ZNRF3: variants seen among roughly 807,000 people sequenced by gnomAD.
ZNRF3 encodes E3 ubiquitin-protein ligase ZNRF3.
Under a neutral mutation model 72.5 loss-of-function variants are expected in ZNRF3, and 23 were observed. The observed-to-expected ratio is 0.32, with a 90% CI of 0.23 to 0.45. The LOEUF is 0.45. ZNRF3 is among the 20% of genes least tolerant of loss of function. The pLI is 1.00. For synonymous variants in ZNRF3, 610 were observed against 545.3 expected (o/e 1.12, Z -1.65); for missense variants, 1,169 against 1,272.1 (o/e 0.92, Z 1.23).
intron 1 of ZNRF3, among the ~76,000 whole-genome samples, chr22:28,951,630 G>A (rs187004466): frequency 1.2e-4 from 19 of 152,264 alleles, no homozygotes; most frequent in Admixed American, 1.2e-3. Flanking sequence ...ATGGTAGTTC[G>A]TTAAGGCAGC....
chr22:29,027,450 T>C (rs993443830), intron 2 of ZNRF3, among the ~76,000 whole-genome samples: 10 of 152,104 alleles, frequency 6.6e-5, no homozygotes, highest in African/African-American at 1.9e-4. Context: ...GGTTTCACCA[T>C]GTTGGCCAGG....
rs1023508632 is a variant in ZNRF3, at chr22:29,048,063, C to A, written c.913-326C>A. The stretch of plus-strand genomic sequence containing the variant: ...TCCATACCCCTAAGCCTCCCATCCT[C>A]ACTAGCAGGAGGACTCGGCCCTCCC... On this transcript the variant is annotated intron_variant, in intron 6 of 8. Transcript: ENST00000544604. This position sits in a 1 kb window ranked among gnomAD's most constrained non-coding sequence, Gnocchi z 4.9. 6.6e-6 allele frequency among the ~76,000 whole-genome samples: 1 copy of A among 152,182 alleles called. No individual in the cohort carries two copies. The highest frequency in any genetic ancestry group is 2.4e-5 in the African/African-American group (1 of 41,438).
intron 2 of ZNRF3, chr22:29,018,069 T>C (rs552182989): frequency 5.8e-6 from 3 of 518,524 alleles, no homozygotes; most frequent in South Asian, 2.8e-5. Context: ...GGAGGGCAGA[T>C]AGTGTGGGAG....
intron 2 of ZNRF3, among the ~76,000 whole-genome samples, chr22:29,033,265 C>T (rs1327603639): frequency 2.7e-5 from 4 of 149,036 alleles, no homozygotes; most frequent in South Asian, 2.1e-4. Flanking sequence ...GCAGGATAAT[C>T]GCTTGAACCC....
chr22:28,947,624 G>A (rs1402201478), intron 1 of ZNRF3, among the ~76,000 whole-genome samples: 1 of 152,116 alleles, frequency 6.6e-6, no homozygotes, highest in East Asian at 1.9e-4. Flanking sequence ...ATGACGTTGA[G>A]CATCTTTTCA....
intron 2 of ZNRF3, among the ~76,000 whole-genome samples, chr22:28,996,045 G>C (rs915998932): frequency 1.3e-4 from 20 of 152,166 alleles, no homozygotes; most frequent in African/African-American, 4.8e-4. Flanking sequence ...CAAAGTGCTG[G>C]GATTACAGGC....
At position 29,023,952 on chromosome 22, in the gene ZNRF3, T is replaced by C. The variant is rs139305825; in HGVS notation, c.427-18543T>C. 7.2e-3 allele frequency among the ~76,000 whole-genome samples: 1,096 copies of C among 152,282 alleles called. 20 individuals are homozygous for C. The highest frequency in any genetic ancestry group is 0.025 in the African/African-American group (1,058 of 41,534). On this transcript the variant is annotated intron_variant, in intron 2 of 8. Transcript: ENST00000544604. ...GCTTGTAGTTATAGCTCTCTCCACT[T>C]ACCCACAAACCAGACTGCCAAACTC... is the stretch of plus-strand genomic sequence containing the variant.
Position 29,048,642 on chromosome 22 carries a change from A to T in ZNRF3, c.1015+151A>T. 1.4e-6 allele frequency: 1 copy of T among 719,134 alleles called. No homozygotes were observed. Among genetic ancestry groups the T allele is most frequent in the Non-Finnish European group, 2.4e-6 (1 of 419,802 alleles). 44.5% of individuals were successfully genotyped at this position (719,134 alleles called of 1,614,324 possible). A position where few individuals can be genotyped will look rare whatever the true frequency, so the allele number is the denominator to read the frequency against. ...GCCCTGGGTTTTGGAGGTTGTCTGC[A>T]CGACCCTTAGGAGAGCTTGGCATTA... On this transcript the variant is annotated intron_variant, in intron 7 of 8. Coordinates refer to ENST00000544604, the MANE Select transcript of ZNRF3 (RefSeq NM_001206998.2). The surrounding 1 kb of genome is among the most constrained non-coding windows in gnomAD (Gnocchi z 4.9).
chr22:28,937,207 ATATATATATT>A (rs1261964344), intron 1 of ZNRF3, among the ~76,000 whole-genome samples: 10 of 2,852 alleles, frequency 3.5e-3, no homozygotes, highest in Admixed American at 7.9e-3. Flanking sequence ...ATATATATAT[ATATATATATT>A]TTTTTTTTTT....
intron 1 of ZNRF3, among the ~76,000 whole-genome samples, chr22:28,918,149 A>G (rs9620844): frequency 1.0e-3 from 158 of 152,224 alleles, no homozygotes; most frequent in African/African-American, 3.6e-3. Flanking sequence ...TGGGGACTCA[A>G]ATGCCCAACT....
At chr22:28,975,725 A>G (rs2035659565) in intron 1 of ZNRF3, among the ~76,000 whole-genome samples, 1 of 151,956 alleles carries the variant, frequency 6.6e-6, no homozygotes, top group Admixed American at 6.6e-5. Context: ...CAACAGTGCA[A>G]GACTCTGTCT....
chr22:28,899,693 CT>C (rs1299023459), intron 1 of ZNRF3, among the ~76,000 whole-genome samples: 146 of 132,724 alleles, frequency 1.1e-3, no homozygotes, highest in Admixed American at 1.2e-3. Context: ...TTCTTTCTTT[CT>C]TTTTTTTTTT....
rs541696808 is a variant in ZNRF3 at position 28,959,402 on chromosome 22, C to T, written c.301-27674C>T. ...AGATGAACCTCTGGCCTGGGAAGAC[C>T]TCTTTCAAATAAGATTATGCCCATC... is the stretch of plus-strand genomic sequence containing the variant. On this transcript the variant is annotated intron_variant, in intron 1 of 8. Coordinates refer to ENST00000544604, the MANE Select transcript of ZNRF3 (RefSeq NM_001206998.2). Among the ~76,000 whole-genome samples the T allele has an allele frequency of 9.4e-4, 143 of 152,296 alleles. 2 individuals are homozygous for T. The South Asian group carries it at 0.023, about 25-fold the overall frequency.
chr22:29,012,001 C>T (rs1369042539), intron 2 of ZNRF3, among the ~76,000 whole-genome samples: 1 of 152,184 alleles, frequency 6.6e-6, no homozygotes, highest in Non-Finnish European at 1.5e-5. Flanking sequence ...ACCCTGCAAC[C>T]AGCCTAATCC....
chr22:29,012,056 G>A lies in ZNRF3; in HGVS notation c.426+24855G>A, dbSNP rs553592964. ...TGGGCCGGAGCAGCTGGGTCACCTG[G>A]ATTGGCCAAGTCGTTTGAAGTTGCT... On this transcript the variant is annotated intron_variant, in intron 2 of 8. Coordinates refer to ENST00000544604, the MANE Select transcript of ZNRF3 (RefSeq NM_001206998.2). Among the ~76,000 whole-genome samples, 6 of 152,296 alleles carry A rather than the reference G, an allele frequency of 3.9e-5. No individual in the cohort carries two copies. In the East Asian group the frequency reaches 9.7e-4, roughly 25 times the overall value.
chr22:28,958,715 A>T (rs1399487093), intron 1 of ZNRF3, among the ~76,000 whole-genome samples: 1 of 152,150 alleles, frequency 6.6e-6, no homozygotes, highest in Non-Finnish European at 1.5e-5. Flanking sequence ...GACTGGCCTC[A>T]TTTGGTTCTC....
At chr22:29,009,503 G>A (rs2036313428) in intron 2 of ZNRF3, among the ~76,000 whole-genome samples, 1 of 152,152 alleles carries the variant, frequency 6.6e-6, no homozygotes, top group Non-Finnish European at 1.5e-5. Flanking sequence ...GAGGGAACAG[G>A]ATGTGCTTAG....
chr22:28,914,552 C>T (rs1018908611), intron 1 of ZNRF3, among the ~76,000 whole-genome samples: 3 of 146,532 alleles, frequency 2.0e-5, no homozygotes, highest in Admixed American at 6.9e-5. Context: ...CGGTGGCTCA[C>T]GCCTATAATT....
intron 1 of ZNRF3, among the ~76,000 whole-genome samples, chr22:28,919,749 C>T (rs1467789040): frequency 1.3e-5 from 2 of 151,872 alleles, no homozygotes; most frequent in Non-Finnish European, 2.9e-5. Context: ...TCAGGTGATT[C>T]GCTTGCCTCA....
Sources: allele counts gnomAD v4.1 joint callset (sites outside exome capture counted in the v4.1 genomes callset), GRCh38; gene constraint gnomAD v4.1.1; non-coding constraint Gnocchi (gnomAD v3.1); transcripts MANE v1.5; gene names NCBI Gene and HGNC (gene_info 2026-07-23, HGNC 2026-07-21).